The following LUC7L variants were observed in gnomAD, a reference collection of about 807,000 sequenced individuals.
LUC7L encodes the protein putative RNA-binding protein Luc7-like 1.
LUC7L carries 29 observed loss-of-function variants against 51.1 expected under a neutral mutation model. That is an observed-to-expected ratio of 0.57 (90% CI 0.42 to 0.77). The LOEUF (loss-of-function observed/expected upper bound fraction) is 0.77, where lower values mean the gene tolerates loss of function less well. Ranked by LOEUF, LUC7L falls within the 30% of genes least tolerant of loss-of-function variation. The pLI is 0.00. For synonymous variants in LUC7L, 181 were observed against 180.7 expected, an observed-to-expected ratio of 1.00 and a Z score of -0.01; for missense variants, 403 against 511.9, an observed-to-expected ratio of 0.79 and a Z score of 2.05.
intron 1 of LUC7L, chr16:228,536 A>G: frequency 8.3e-7 from 1 of 1,209,716 alleles, no homozygotes; most frequent in Non-Finnish European, 1.1e-6. Flanking sequence ...AAGTGCAAAT[A>G]ATCTGCACAG....
Position 199,207 on chromosome 16 carries a change from C to T in LUC7L, c.542G>A (p.Ser181Asn). Residue 181 changes from serine to asparagine, a missense_variant, in exon 6 of 10, where the codon AGT (serine) becomes AAT (asparagine). By Grantham distance (46) the Ser-to-Asn change is conservative. Coordinates refer to ENST00000293872, the MANE Select transcript of LUC7L (RefSeq NM_201412.3). ...GACACGCAGCTTTTGCTGCTGAAAA[C>T]TGGATGCAGGCATGGAATTTCTGTA... ...EEYRNSMPAS[S>N]FQQQKLRVCE... 1 of 1,605,264 alleles carries T rather than the reference C, an allele frequency of 6.2e-7. No homozygotes were observed. Among genetic ancestry groups the T allele is most frequent in the Non-Finnish European group, 8.5e-7 (1 of 1,172,822 alleles).
At chr16:226,975 G>A (rs947058042) in intron 2 of LUC7L, among the ~76,000 whole-genome samples, 6 of 152,208 alleles carry the variant, frequency 3.9e-5, no homozygotes, top group Admixed American at 6.5e-5. Context: ...TCAAGAGGCT[G>A]AGGTGGTAGG....
intron 3 of LUC7L, among the ~76,000 whole-genome samples, chr16:214,744 G>C (rs1020929206): frequency 4.6e-5 from 7 of 152,132 alleles, no homozygotes; most frequent in African/African-American, 1.2e-4. Flanking sequence ...GCCCAGGCTA[G>C]TCTCCAACTG....
chr16:216,859 T>A (rs1488346980), intron 3 of LUC7L, among the ~76,000 whole-genome samples: 1 of 152,006 alleles, frequency 6.6e-6, no homozygotes, highest in African/African-American at 2.4e-5. Flanking sequence ...CACGCCTGGC[T>A]AACTCTGGCA....
intron 6 of LUC7L, among the ~76,000 whole-genome samples, chr16:197,207 CTT>C (rs754309530): frequency 1.2e-3 from 99 of 80,378 alleles, no homozygotes; most frequent in African/African-American, 3.2e-3. Context: ...TGCACCCAGC[CTT>C]TTTTTTTTTT....
intron 3 of LUC7L, among the ~76,000 whole-genome samples, chr16:212,596 C>T (rs900468528): frequency 6.6e-6 from 1 of 152,208 alleles, no homozygotes; most frequent in East Asian, 1.9e-4. Flanking sequence ...AAACTACATA[C>T]AATCAGAACT....
Position 207,567 on chromosome 16 carries a change from C to T in LUC7L, c.366+511G>A, listed in dbSNP as rs1004879882. ...ATAATGATAAACCATGTACAGAGGA[C>T]GAAAATGGAGAGAATAAAAAGACAG... On this transcript the variant is annotated intron_variant, in intron 4 of 9. Transcript: ENST00000293872. Among the ~76,000 whole-genome samples the T allele has an allele frequency of 7.9e-5, 12 of 152,006 alleles. 1 individual carries two copies. Among genetic ancestry groups the T allele is most frequent in the East Asian group, 7.7e-4 (4 of 5,178 alleles).
chr16:212,016 G>A (rs1472062690), intron 3 of LUC7L, among the ~76,000 whole-genome samples: 2 of 152,110 alleles, frequency 1.3e-5, no homozygotes, highest in Non-Finnish European at 2.9e-5. Context: ...CAGAGGGGCC[G>A]GGCGCGGTGG....
At chr16:201,737 CTTTTTTTTTTTTT>C (rs34083330) in intron 5 of LUC7L, among the ~76,000 whole-genome samples, 1 of 54,306 alleles carries the variant, frequency 1.8e-5, no homozygotes, top group South Asian at 7.7e-4. Flanking sequence ...CCGCACCAGG[CTTTTTTTTTTTTT>C]TTTTTTTTTT....
intron 1 of LUC7L, 199 bp downstream of exon 1, chr16:229,080 C>G: frequency 7.1e-7 from 1 of 1,413,494 alleles, no homozygotes; most frequent in South Asian, 1.5e-5. Flanking sequence ...GAGAGAGGAG[C>G]CCGACCTGGA....
chr16:217,161 A>G (rs2049826153), intron 3 of LUC7L, among the ~76,000 whole-genome samples: 1 of 151,886 alleles, frequency 6.6e-6, no homozygotes, highest in Non-Finnish European at 1.5e-5. Flanking sequence ...GGATTAGAGG[A>G]CAGCACCACC....
intron 3 of LUC7L, among the ~76,000 whole-genome samples, chr16:214,882 T>C (rs186590965): frequency 1.3e-5 from 2 of 152,290 alleles, no homozygotes; most frequent in Admixed American, 1.3e-4. Context: ...TTTCTTAGGA[T>C]AGAGATTTCT....
At chr16:222,967 A>AG (rs924268410) in intron 2 of LUC7L, among the ~76,000 whole-genome samples, 22 of 150,584 alleles carry the variant, frequency 1.5e-4, no homozygotes, top group African/African-American at 4.2e-4. Context: ...AAAAAAAAAA[A>AG]AAAGAAAGGA....
intron 5 of LUC7L, among the ~76,000 whole-genome samples, chr16:204,878 C>T (rs2049437901): frequency 6.6e-6 from 1 of 152,100 alleles, no homozygotes; most frequent in Non-Finnish European, 1.5e-5. Context: ...TGGTATTGCA[C>T]TAAACACGAT....
chr16:201,242 TAA>T (rs764945208), intron 5 of LUC7L, among the ~76,000 whole-genome samples: 31,358 of 78,172 alleles, frequency 0.4, 4,719 homozygotes, highest in Non-Finnish European at 0.46. Context: ...GCTACATAAC[TAA>T]AAAAAAAAAA....
intron 3 of LUC7L, 91 bp from the exon 4 acceptor site, chr16:208,279 G>T: frequency 1.1e-6 from 1 of 926,428 alleles, no homozygotes; most frequent in Admixed American, 2.3e-5. Flanking sequence ...ACACTCCTAG[G>T]TTCGTTTCTT....
intron 9 of LUC7L, 31 bp from the exon 10 acceptor site, chr16:189,370 G>A (rs2142030108): frequency 6.3e-7 from 1 of 1,589,946 alleles, no homozygotes; most frequent in African/African-American, 1.3e-5. Context: ...GCTCAGTGGA[G>A]GCTGCTGCCC....
At chr16:224,104 G>T (rs1459250876) in intron 2 of LUC7L, among the ~76,000 whole-genome samples, 1 of 152,128 alleles carries the variant, frequency 6.6e-6, no homozygotes, top group Non-Finnish European at 1.5e-5. Context: ...AGGCTTTGTT[G>T]TTCAAAGAAA....
chr16:189,956 C>T lies in LUC7L; in HGVS notation c.974+12G>A. ...TCCTGGTTGCAGCTACCGAAGGAGT[C>T]AGAGTAGTTACTTGTATTTCGCACT... On this transcript the variant is annotated intron_variant, in intron 9 of 9. Transcript: ENST00000293872. 1 of 1,606,060 alleles carries T rather than the reference C, an allele frequency of 6.2e-7. No individual in the cohort carries two copies. The highest frequency in any genetic ancestry group is 8.5e-7 in the Non-Finnish European group (1 of 1,174,080).
Sources: allele counts gnomAD v4.1 joint callset (sites outside exome capture counted in the v4.1 genomes callset), GRCh38; gene constraint gnomAD v4.1.1; transcripts MANE v1.5; gene names NCBI Gene and HGNC (gene_info 2026-07-23, HGNC 2026-07-21).